Variants in KCNB2 observed in about 807,000 individuals in gnomAD.
KCNB2 encodes the protein delayed rectifier potassium channel protein.
KCNB2 carries 15 observed loss-of-function variants against 61.5 expected under a neutral mutation model. That is an observed-to-expected ratio of 0.24 (90% CI 0.16 to 0.38). The LOEUF is 0.38. Ranked by LOEUF, KCNB2 falls within the 10% of genes least tolerant of loss-of-function variation. The pLI, the probability that KCNB2 is intolerant of heterozygous loss-of-function variation, is 1.00. For missense variants in KCNB2, 828 were observed against 1,125.2 expected, an observed-to-expected ratio of 0.74 and a Z score of 3.78; for synonymous variants, 457 against 446.0, an observed-to-expected ratio of 1.02 and a Z score of -0.31.
intron 1 of KCNB2, among the ~76,000 whole-genome samples, chr8:72,555,212 G>A (rs570841132): frequency 2.0e-5 from 3 of 151,888 alleles, no homozygotes; most frequent in African/African-American, 7.2e-5. Flanking sequence ...TCCCAAGGAG[G>A]GATGAGAAAT....
Position 72,698,130 on chromosome 8 carries a change from T to C in KCNB2, c.579+129817T>C, listed in dbSNP as rs140142255. On this transcript the variant is annotated intron_variant, in intron 2 of 2. Transcript: ENST00000523207. ...ACCTTAAAGACTGTCAAAAGGCTCC[T>C]GGAACTGATAAACGACTTCAATAAA... Among the ~76,000 whole-genome samples the C allele has an allele frequency of 2.1e-3, 320 of 152,306 alleles. 3 individuals carry two copies. Among genetic ancestry groups the C allele is most frequent in the African/African-American group, 7.3e-3 (302 of 41,566 alleles).
intron 2 of KCNB2, among the ~76,000 whole-genome samples, chr8:72,598,042 A>G (rs1198939189): frequency 6.6e-6 from 1 of 151,838 alleles, no homozygotes; most frequent in Non-Finnish European, 1.5e-5. Context: ...TGTTCACTGC[A>G]GCATTATTCA....
intron 2 of KCNB2, among the ~76,000 whole-genome samples, chr8:72,833,659 T>G (rs1347801685): frequency 2.6e-5 from 4 of 152,126 alleles, no homozygotes; most frequent in Admixed American, 1.3e-4. Context: ...AATCAAAAAG[T>G]GTGGAAAGCA....
Position 72,635,534 on chromosome 8 carries a change from T to C in KCNB2, c.579+67221T>C, listed in dbSNP as rs138214478. On this transcript the variant is annotated intron_variant, in intron 2 of 2. Coordinates refer to ENST00000523207, the MANE Select transcript of KCNB2 (RefSeq NM_004770.3). Reference sequence around the variant, plus strand: ...CCAGTGTCGAATGAAGAGTGCCCCGTCTCTGCTGCTGAGATTGCACTGTGG... The same window carrying C: ...CCAGTGTCGAATGAAGAGTGCCCCGCCTCTGCTGCTGAGATTGCACTGTGG... Among the ~76,000 whole-genome samples the C allele has an allele frequency of 2.9e-3, 435 of 152,258 alleles. 2 individuals are homozygous for C. The highest frequency in any genetic ancestry group is 9.7e-3 in the African/African-American group (403 of 41,550).
At position 72,823,946 on chromosome 8, in the gene KCNB2, G is replaced by A. The variant is rs1008602190; in HGVS notation, c.580-111989G>A. On this transcript the variant is annotated intron_variant, in intron 2 of 2. Transcript: ENST00000523207. Reference sequence around the variant, plus strand: ...TCAAGGACCCTGGGAGCCCCATCTTGTAGCTGGTATACCCAACAAGCATGG... The same window carrying A: ...TCAAGGACCCTGGGAGCCCCATCTTATAGCTGGTATACCCAACAAGCATGG... Among the ~76,000 whole-genome samples, 7 of 152,284 alleles carry A rather than the reference G, an allele frequency of 4.6e-5. No individual in the cohort carries two copies. In the East Asian group the frequency reaches 1.4e-3, roughly 29 times the overall value.
At chr8:72,830,285 A>C (rs974566926) in intron 2 of KCNB2, among the ~76,000 whole-genome samples, 3 of 148,852 alleles carry the variant, frequency 2.0e-5, no homozygotes, top group Admixed American at 6.7e-5. Context: ...TGAGAGAAGG[A>C]GAGAAGGAGA....
At chr8:72,765,592 G>A (rs942560729) in intron 2 of KCNB2, among the ~76,000 whole-genome samples, 2 of 152,164 alleles carry the variant, frequency 1.3e-5, no homozygotes, top group Non-Finnish European at 2.9e-5. Context: ...AAGTTTAATG[G>A]AAAATAGTCA....
At chr8:72,619,507 T>G (rs1457712189) in intron 2 of KCNB2, 1 of 195,516 alleles carries the variant, frequency 5.1e-6, no homozygotes, top group Non-Finnish European at 1.1e-5. Context: ...TGAGTATGGG[T>G]ATGAGGTAAA....
At chr8:72,736,797 G>A (rs2128994048) in intron 2 of KCNB2, among the ~76,000 whole-genome samples, 1 of 152,268 alleles carries the variant, frequency 6.6e-6, no homozygotes, top group Middle Eastern at 3.4e-3. Flanking sequence ...TTGGAATGAT[G>A]TCAGAGATTT....
At chr8:72,810,903 C>T (rs16938397) in intron 2 of KCNB2, among the ~76,000 whole-genome samples, 3,360 of 152,234 alleles carry the variant, frequency 0.022, 70 homozygotes, top group African/African-American at 0.054. Flanking sequence ...AAGGGCAGGG[C>T]ATCTGTTATG....
At chr8:72,690,042 A>AAAG (rs1806916109) in intron 2 of KCNB2, among the ~76,000 whole-genome samples, 1 of 151,930 alleles carries the variant, frequency 6.6e-6, no homozygotes, top group South Asian at 2.1e-4. Context: ...TCGCCATAAA[A>AAAG]AAAAAAAAAT....
At chr8:72,600,623 G>T (rs950449583) in intron 2 of KCNB2, among the ~76,000 whole-genome samples, 18 of 151,502 alleles carry the variant, frequency 1.2e-4, no homozygotes, top group Non-Finnish European at 2.9e-5. Flanking sequence ...AAAAGAAAAT[G>T]TGGTATGTAT....
At chr8:72,561,206 G>T (rs1469682701) in intron 1 of KCNB2, among the ~76,000 whole-genome samples, 7 of 151,300 alleles carry the variant, frequency 4.6e-5, no homozygotes, top group Admixed American at 4.0e-4. Flanking sequence ...CACTAGGCTG[G>T]AGTGCAGTGG....
At chr8:72,740,133 G>T (rs1409244167) in intron 2 of KCNB2, among the ~76,000 whole-genome samples, 1 of 152,134 alleles carries the variant, frequency 6.6e-6, no homozygotes, top group Non-Finnish European at 1.5e-5. Context: ...GCTTGATATT[G>T]ATATTCTTTG....
chr8:72,590,831 T>C (rs981267375), intron 2 of KCNB2, among the ~76,000 whole-genome samples: 1 of 152,164 alleles, frequency 6.6e-6, no homozygotes, highest in African/African-American at 2.4e-5. Context: ...GGATGTGTAT[T>C]TGTAGCTCCT....
At chr8:72,746,973 C>T (rs1473891663) in intron 2 of KCNB2, among the ~76,000 whole-genome samples, 2 of 152,086 alleles carry the variant, frequency 1.3e-5, no homozygotes, top group Non-Finnish European at 2.9e-5. Flanking sequence ...AATCTGATGT[C>T]ATCTTAATGG....
At chr8:72,836,139 C>G (rs1458379086) in intron 2 of KCNB2, among the ~76,000 whole-genome samples, 1 of 152,148 alleles carries the variant, frequency 6.6e-6, no homozygotes, top group African/African-American at 2.4e-5. Flanking sequence ...TTGAATTTGC[C>G]AAGTGCCTAT....
At chr8:72,561,776 TGGATATATATATAC>T (rs1295124381) in intron 1 of KCNB2, among the ~76,000 whole-genome samples, 1,582 of 26,202 alleles carry the variant, frequency 0.06, 252 homozygotes, top group African/African-American at 0.094. Flanking sequence ...TATATATATA[TGGATATATATATAC>T]ATATATATAT....
At chr8:72,855,841 C>T (rs1489902726) in intron 2 of KCNB2, among the ~76,000 whole-genome samples, 1 of 152,124 alleles carries the variant, frequency 6.6e-6, no homozygotes, top group East Asian at 1.9e-4. Flanking sequence ...ACGGATACCA[C>T]AATTGGTGGA....
Sources: allele counts gnomAD v4.1 joint callset (sites outside exome capture counted in the v4.1 genomes callset), GRCh38; gene constraint gnomAD v4.1.1; transcripts MANE v1.5; gene names NCBI Gene and HGNC (gene_info 2026-07-23, HGNC 2026-07-21).